The following NOL4 variants were observed in gnomAD, a reference collection of about 807,000 sequenced individuals.
NOL4 encodes cancer/testis antigen 125.
In NOL4, 17 loss-of-function variants were observed where a neutral mutation model predicts 75.9. The ratio of observed to expected loss-of-function variants is 0.22; its 90% CI spans 0.15 to 0.34. The LOEUF is 0.34. Among genes scored for constraint, NOL4 ranks in the 10% least tolerant of loss-of-function variants. The pLI, the probability that NOL4 is intolerant of heterozygous loss-of-function variation, is 1.00. For synonymous variants in NOL4, 292 were observed against 289.9 expected (o/e 1.01, Z -0.07); for missense variants, 614 against 793.5 (o/e 0.77, Z 2.72).
At chr18:34,070,180 T>C (rs1224222924) in intron 5 of NOL4, among the ~76,000 whole-genome samples, 6 of 152,210 alleles carry the variant, frequency 3.9e-5, no homozygotes, top group Non-Finnish European at 7.3e-5. Flanking sequence ...TACAGGTGCC[T>C]GCCACTGCGC....
rs2075701929 is a variant in NOL4, at chr18:34,032,737, AC to A, written c.773-13137del. On this transcript the variant is annotated intron_variant, in intron 5 of 10. Transcript: ENST00000261592. ...CTGCCTACCAGAATTGGAGTAAGCC[AC>A]CTGGAGGCTCAAGAATAGGTTTACC... Among the ~76,000 whole-genome samples, 4 of 152,284 alleles carry A rather than the reference AC, an allele frequency of 2.6e-5. No individual in the cohort carries two copies. In the South Asian group the frequency reaches 8.3e-4, roughly 32 times the overall value.
At chr18:34,067,408 C>T (rs1352775166) in intron 5 of NOL4, among the ~76,000 whole-genome samples, 1 of 152,076 alleles carries the variant, frequency 6.6e-6, no homozygotes, top group Non-Finnish European at 1.5e-5. Flanking sequence ...GTAAAAAAAG[C>T]CATGTGATCT....
At chr18:34,190,285 T>A (rs1041440200) in intron 1 of NOL4, among the ~76,000 whole-genome samples, 1 of 151,956 alleles carries the variant, frequency 6.6e-6, no homozygotes, top group South Asian at 2.1e-4. Flanking sequence ...TTGGTAAGTA[T>A]GGCTAGAGGC....
chr18:33,959,806 T>C (rs1320660722), intron 6 of NOL4, among the ~76,000 whole-genome samples: 2 of 152,038 alleles, frequency 1.3e-5, no homozygotes, highest in East Asian at 3.9e-4. Context: ...GGAAACAGCT[T>C]TAGAACATCT....
intron 2 of NOL4, among the ~76,000 whole-genome samples, chr18:34,127,660 C>A (rs951665404): frequency 7.9e-5 from 12 of 151,972 alleles, no homozygotes; most frequent in African/African-American, 2.9e-4. Context: ...ATTAATTGAA[C>A]ACTTACATCA....
intron 1 of NOL4, chr18:34,220,863 C>CA (rs2037249797): frequency 1.3e-5 from 2 of 151,960 alleles, no homozygotes; most frequent in South Asian, 4.1e-4. Context: ...ACTGAATAAA[C>CA]ACGTGTTACT....
At chr18:33,908,839 T>C (rs957055152) in intron 9 of NOL4, among the ~76,000 whole-genome samples, 1 of 152,102 alleles carries the variant, frequency 6.6e-6, no homozygotes, top group Non-Finnish European at 1.5e-5. Context: ...TATGTGTGGG[T>C]GTTATATGGT....
chr18:34,058,107 T>C lies in NOL4; in HGVS notation c.772+35358A>G, dbSNP rs1445998344. On this transcript the variant is annotated intron_variant, in intron 5 of 10. Coordinates refer to ENST00000261592, the MANE Select transcript of NOL4 (RefSeq NM_003787.5). ...CCTGCTCACATCTCCAGGTCTATAT[T>C]GTGCTCTTCCTCTGCTGGCCTGTTG... 1.3e-5 allele frequency among the ~76,000 whole-genome samples: 2 copies of C among 152,124 alleles called. 1 individual carries two copies. Among genetic ancestry groups the C allele is most frequent in the African/African-American group, 4.8e-5 (2 of 41,436 alleles).
intron 1 of NOL4, among the ~76,000 whole-genome samples, chr18:34,217,818 A>C (rs1298524424): frequency 6.6e-6 from 1 of 151,978 alleles, no homozygotes; most frequent in Non-Finnish European, 1.5e-5. Context: ...AGTATATATT[A>C]TATACACTAC....
rs57576599 is a variant in NOL4 at position 34,110,128 on chromosome 18, C to CAAAA, written c.415-4972_415-4969dup. Among the ~76,000 whole-genome samples the CAAAA allele has an allele frequency of 1.0e-3, 50 of 47,866 alleles. 3 individuals carry two copies. Among genetic ancestry groups the CAAAA allele is most frequent in the South Asian group, 1.6e-3 (1 of 618 alleles). 31.4% of individuals were successfully genotyped at this position (47,866 alleles called of 152,430 possible). ...AACTCCTTCCATCCCCGCCCTCCCA[C>CAAAA]AAAAAAAAAAAAAAAAAAAAAAAAA... On this transcript the variant is annotated intron_variant, in intron 2 of 10. Transcript: ENST00000261592.
rs144480050 is a variant in NOL4 at position 34,068,794 on chromosome 18, A to G, written c.772+24671T>C. Among the ~76,000 whole-genome samples, 7 of 152,352 alleles carry G rather than the reference A, an allele frequency of 4.6e-5. No homozygotes were observed. In the East Asian group the frequency reaches 9.6e-4, roughly 21 times the overall value. On this transcript the variant is annotated intron_variant, in intron 5 of 10. Transcript: ENST00000261592. ...GAATAACCATATCTGGAATTGCAAT[A>G]CAACATCCTCTCAGTTCAAGTACTG...
At chr18:34,112,675 G>C (rs1464490748) in intron 2 of NOL4, among the ~76,000 whole-genome samples, 3 of 152,104 alleles carry the variant, frequency 2.0e-5, no homozygotes, top group African/African-American at 7.2e-5. Flanking sequence ...GCTGAGAGTA[G>C]AATACAATGG....
At chr18:34,022,653 G>T (rs1348349784) in intron 5 of NOL4, among the ~76,000 whole-genome samples, 7 of 151,870 alleles carry the variant, frequency 4.6e-5, no homozygotes, top group Admixed American at 4.6e-4. Context: ...GAAAAAAAGT[G>T]ATTTAACATT....
At chr18:33,922,412 C>A (rs935654848) in intron 9 of NOL4, among the ~76,000 whole-genome samples, 1 of 152,142 alleles carries the variant, frequency 6.6e-6, no homozygotes, top group Admixed American at 6.6e-5. Context: ...TCACTGATAA[C>A]TTCATCAATG....
chr18:34,019,459 G>T lies in NOL4; in HGVS notation c.915C>A (p.Asn305Lys), dbSNP rs149515705. ...TGLEQDEQPL[N>K]LSDSPLSAQL... Reference sequence around the variant, plus strand: ...GCGCAGAGAGGGGACTGTCACTCAGGTTCAGTGGCTGTTCATCTTGCTCCA... The same window carrying T: ...GCGCAGAGAGGGGACTGTCACTCAGTTTCAGTGGCTGTTCATCTTGCTCCA... Residue 305 changes from asparagine to lysine, a missense_variant, in exon 6 of 11, where the codon AAC (asparagine) becomes AAA (lysine). By Grantham distance (94) the Asn-to-Lys change is moderately conservative. This residue lies in a region of NOL4 where 196 missense variants were observed against 167.9 expected (regional missense o/e 1.17). Transcript: ENST00000261592. 12 of 1,613,794 alleles carry T rather than the reference G, an allele frequency of 7.4e-6. No individual in the cohort carries two copies. The highest frequency in any genetic ancestry group is 1.3e-5 in the African/African-American group (1 of 74,852).
chr18:34,168,692 C>G (rs926899381), intron 1 of NOL4, among the ~76,000 whole-genome samples: 1 of 151,546 alleles, frequency 6.6e-6, no homozygotes, highest in Non-Finnish European at 1.5e-5. Context: ...GATTTTAATT[C>G]ACTACAATAT....
intron 6 of NOL4, among the ~76,000 whole-genome samples, chr18:33,990,655 T>C (rs985831586): frequency 2.0e-5 from 3 of 152,078 alleles, no homozygotes; most frequent in Non-Finnish European, 4.4e-5. Context: ...TTGAAATCTG[T>C]GTTATCCAAT....
In NOL4 at chr18:33,883,211, A is replaced by T. The variant is rs765433736; in HGVS notation, c.1723+33T>A. 3.0e-5 allele frequency: 40 copies of T among 1,348,344 alleles called. 1 individual carries two copies. In the Middle Eastern group the frequency reaches 9.9e-4, roughly 33 times the overall value. The allele number at this position is 1,348,344 out of a possible 1,614,324, so 83.5% of individuals were successfully genotyped here. ...CCCTAAAACTTAAAGTATAATAATT[A>T]AAAAAAAAACACAATCTATGATAAA... is the stretch of plus-strand genomic sequence containing the variant. On this transcript the variant is annotated intron_variant, in intron 10 of 10. Transcript: ENST00000261592.
At chr18:33,975,906 T>C (rs373786766) in intron 6 of NOL4, among the ~76,000 whole-genome samples, 6 of 152,222 alleles carry the variant, frequency 3.9e-5, no homozygotes, top group African/African-American at 9.6e-5. Context: ...AACTTCTGAA[T>C]AGTAAGGAAG....
Sources: allele counts gnomAD v4.1 joint callset (sites outside exome capture counted in the v4.1 genomes callset), GRCh38; gene constraint gnomAD v4.1.1; regional missense constraint gnomAD v4.1.1; transcripts MANE v1.5; gene names NCBI Gene and HGNC (gene_info 2026-07-23, HGNC 2026-07-21).